Variants in ZNF600 observed in about 807,000 individuals in gnomAD.
ZNF600 encodes the protein zinc finger protein KR-ZNF1.
In ZNF600, 4 loss-of-function variants were observed where a neutral mutation model predicts 7.3. That is an observed-to-expected ratio of 0.55 (90% CI 0.27 to 1.25). The LOEUF (loss-of-function observed/expected upper bound fraction) is 1.25. Ranked by LOEUF, ZNF600 falls within the 50% of genes most tolerant of loss-of-function variation. ZNF600 has a pLI of 0.12. For synonymous variants in ZNF600, 290 were observed against 308.9 expected, an observed-to-expected ratio of 0.94 and a Z score of 0.64; for missense variants, 911 against 922.1, an observed-to-expected ratio of 0.99 and a Z score of 0.16.
chr19:52,813,424 C>A, the ZNF600 span, among the ~76,000 whole-genome samples: 2 of 121,412 alleles, frequency 1.6e-5, no homozygotes, highest in Non-Finnish European at 3.3e-5. Flanking sequence ...AGCTGCTCCC[C>A]GTGTTTCCCT....
At chr19:52,819,700 A>G in the ZNF600 span, among the ~76,000 whole-genome samples, 1,790 of 140,448 alleles carry the variant, frequency 0.013, 195 homozygotes, top group African/African-American at 0.036. Flanking sequence ...AATGGGATGG[A>G]CTGGTCTTAT....
chr19:52,804,377 G>T, the ZNF600 span, among the ~76,000 whole-genome samples: 1 of 152,084 alleles, frequency 6.6e-6, no homozygotes, highest in Non-Finnish European at 1.5e-5. Context: ...TACCTCAAGT[G>T]ATTCTCCCTC....
At chr19:52,774,542 C>G (rs374562613) in intron 3 of ZNF600, 33 bp downstream of exon 5, 3 of 983,784 alleles carry the variant, frequency 3.0e-6, no homozygotes, top group Non-Finnish European at 3.6e-6. Context: ...CAAGAGCAGA[C>G]TCCTCATGTC....
At chr19:52,822,074 C>CTTTTTTTTTTTTTTTTTT in the ZNF600 span, among the ~76,000 whole-genome samples, 10 of 78,688 alleles carry the variant, frequency 1.3e-4, no homozygotes, top group Admixed American at 3.3e-4. Context: ...TTCTTTTTCC[C>CTTTTTTTTTTTTTTTTTT]TTTTTTTTTT....
At chr19:52,804,850 G>A in the ZNF600 span, among the ~76,000 whole-genome samples, 1 of 152,214 alleles carries the variant, frequency 6.6e-6, no homozygotes, top group African/African-American at 2.4e-5. Flanking sequence ...AGAGACAGGA[G>A]AAAGAGCATC....
At chr19:52,770,706 G>A (rs2062623736) in intron 3 of ZNF600, among the ~76,000 whole-genome samples, 1 of 152,146 alleles carries the variant, frequency 6.6e-6, no homozygotes, top group Non-Finnish European at 1.5e-5. Context: ...GTTCACCTTG[G>A]CTAAAAGTCA....
At chr19:52,779,725 G>A (rs1457949416) in intron 1 of ZNF600, among the ~76,000 whole-genome samples, 1 of 152,128 alleles carries the variant, frequency 6.6e-6, no homozygotes, top group Non-Finnish European at 1.5e-5. Context: ...ATGTCTGAGT[G>A]CCTCCTTCGA....
chr19:52,775,205 A>C lies in ZNF600; in HGVS notation c.64-504T>G, dbSNP rs368194629. Among the ~76,000 whole-genome samples, 1,165 of 152,174 alleles carry C rather than the reference A, an allele frequency of 7.7e-3. 7 individuals carry two copies. Among genetic ancestry groups the C allele is most frequent in the Non-Finnish European group, 0.011 (772 of 68,006 alleles). On this transcript the variant is annotated intron_variant, in intron 2 of 3. Transcript: ENST00000648973. The stretch of plus-strand genomic sequence containing the variant: ...CAGTGAGCCAAGATCGCACCACTGC[A>C]CTCCATCCTGGGCAACAGACTGACA...
the ZNF600 span, among the ~76,000 whole-genome samples, chr19:52,819,347 G>A: frequency 2.1e-5 from 3 of 145,594 alleles, no homozygotes; most frequent in East Asian, 2.0e-4. Context: ...AAAGTCCTCC[G>A]AAGATGGTCT....
chr19:52,829,899 C>G, the ZNF600 span, among the ~76,000 whole-genome samples: 1 of 152,094 alleles, frequency 6.6e-6, no homozygotes, highest in African/African-American at 2.4e-5. Context: ...GCTGACAACT[C>G]TTATTACACA....
chr19:52,765,107 G>A (rs1232110950), exon 4 of ZNF600: 2 of 375,090 alleles, frequency 5.3e-6, no homozygotes, highest in South Asian at 2.2e-5. Flanking sequence ...ACAAACTCAA[G>A]TCAATGCTGG....
chr19:52,810,573 C>T, the ZNF600 span: 2 of 1,592,304 alleles, frequency 1.3e-6, no homozygotes, highest in Non-Finnish European at 1.7e-6. Flanking sequence ...CGGGGTCTTC[C>T]ACGAGCCCGC....
chr19:52,793,406 C>G, the ZNF600 span, among the ~76,000 whole-genome samples: 1 of 152,152 alleles, frequency 6.6e-6, no homozygotes, highest in Non-Finnish European at 1.5e-5. Context: ...GGCTGCTTAT[C>G]ACTTGCAGCT....
At chr19:52,791,985 C>G in the ZNF600 span, among the ~76,000 whole-genome samples, 2 of 152,240 alleles carry the variant, frequency 1.3e-5, no homozygotes, top group Admixed American at 6.5e-5. Context: ...CAAGCACCTG[C>G]GCCACTGCAG....
At chr19:52,803,966 A>C in the ZNF600 span, among the ~76,000 whole-genome samples, 15 of 152,340 alleles carry the variant, frequency 9.8e-5, no homozygotes, top group African/African-American at 2.9e-4. Flanking sequence ...CAAAAAAATA[A>C]AATAAGATAA....
At chr19:52,792,720 T>TTTTA in the ZNF600 span, among the ~76,000 whole-genome samples, 1,297 of 151,768 alleles carry the variant, frequency 8.5e-3, 26 homozygotes, top group African/African-American at 0.029. Flanking sequence ...TCAATCCTCT[T>TTTTA]TTTATTTATT....
the ZNF600 span, chr19:52,810,317 T>A: frequency 6.3e-7 from 1 of 1,592,640 alleles, no homozygotes; most frequent in South Asian, 1.1e-5. Flanking sequence ...GTTCCATCAA[T>A]GCTGGCAATG....
chr19:52,769,920 A>C (rs1181061730), intron 3 of ZNF600, among the ~76,000 whole-genome samples: 2 of 152,206 alleles, frequency 1.3e-5, no homozygotes, highest in African/African-American at 4.8e-5. Context: ...GAAAAGCCAT[A>C]TGCAAAATTA....
At chr19:52,811,778 C>G in the ZNF600 span, among the ~76,000 whole-genome samples, 1 of 148,952 alleles carries the variant, frequency 6.7e-6, no homozygotes, top group Non-Finnish European at 1.5e-5. Flanking sequence ...GTCAGCCCCC[C>G]GCCCGGCCAG....
Sources: allele counts gnomAD v4.1 joint callset (sites outside exome capture counted in the v4.1 genomes callset), GRCh38; gene constraint gnomAD v4.1.1; transcripts MANE v1.5; gene names NCBI Gene and HGNC (gene_info 2026-07-23, HGNC 2026-07-21).